The following SNRPN variants were observed in gnomAD, a reference collection of about 807,000 sequenced individuals.
The protein encoded by SNRPN is small nuclear ribonucleoprotein-associated protein N.
Under a neutral mutation model 25.2 loss-of-function variants are expected in SNRPN, and 7 were observed. That is an observed-to-expected ratio of 0.28 (90% CI 0.16 to 0.52). The LOEUF (loss-of-function observed/expected upper bound fraction) is 0.52. SNRPN is among the 20% of genes least tolerant of loss of function. The pLI is 0.96. For synonymous variants in SNRPN, 124 were observed against 110.6 expected (o/e 1.12, Z -0.76); for missense variants, 196 against 322.5 (o/e 0.61, Z 3.00).
At chr15:24,878,785 C>A (rs2056277151) in intron 1 of SNRPN, among the ~76,000 whole-genome samples, 1 of 151,970 alleles carries the variant, frequency 6.6e-6, no homozygotes, top group African/African-American at 2.4e-5. Flanking sequence ...AAATCCTTTT[C>A]AAAAATACTG....
At position 24,895,966 on chromosome 15, in the gene SNRPN, C is replaced by A. The variant is rs540100895; in HGVS notation, c.-505+9377C>A. ...TATGTTTGTATTAAAGGTGTTATTCCCATGTAAGACCTTAAGACATAATAT... is the reference window on the plus strand; with the variant it reads ...TATGTTTGTATTAAAGGTGTTATTCACATGTAAGACCTTAAGACATAATAT... On this transcript the variant is annotated intron_variant, in intron 2 of 11. Coordinates refer to the SNRPN transcript ENST00000400097. Among the ~76,000 whole-genome samples the A allele has an allele frequency of 5.3e-5, 8 of 152,226 alleles. No individual in the cohort carries two copies. In the South Asian group the frequency reaches 8.3e-4, roughly 16 times the overall value.
chr15:24,838,048 T>C (rs1192027596), intron 2 of SNRPN, among the ~76,000 whole-genome samples: 1 of 149,868 alleles, frequency 6.7e-6, no homozygotes, highest in East Asian at 2.0e-4. Context: ...TATTTTTTTT[T>C]TTTTGAGACG....
intron 2 of SNRPN, among the ~76,000 whole-genome samples, chr15:24,834,000 A>T (rs2050782849): frequency 1.3e-5 from 2 of 152,100 alleles, no homozygotes; most frequent in African/African-American, 4.8e-5. Context: ...ATATTGGCTC[A>T]CTGCAACCTC....
At chr15:24,843,788 AAC>A (rs56693061) in intron 2 of SNRPN, among the ~76,000 whole-genome samples, 2,614 of 139,866 alleles carry the variant, frequency 0.019, 66 homozygotes, top group East Asian at 0.087. Flanking sequence ...CTCCATCACA[AAC>A]ACACACACAC....
intron 2 of SNRPN, among the ~76,000 whole-genome samples, chr15:24,843,344 A>G (rs926222284): frequency 1.3e-4 from 20 of 152,256 alleles, no homozygotes; most frequent in African/African-American, 4.8e-4. Context: ...GCTGGATCAT[A>G]TAACAAAAGT....
At chr15:24,922,401 T>A (rs1462131879) in intron 3 of SNRPN, among the ~76,000 whole-genome samples, 1 of 152,190 alleles carries the variant, frequency 6.6e-6, no homozygotes, top group East Asian at 1.9e-4. Flanking sequence ...CTCAAACTTG[T>A]TTTCTTGTGA....
At chr15:24,933,195 G>A (rs1425768645) in intron 3 of SNRPN, among the ~76,000 whole-genome samples, 1 of 152,114 alleles carries the variant, frequency 6.6e-6, no homozygotes, top group Non-Finnish European at 1.5e-5. Flanking sequence ...GGAAGTTGAG[G>A]CTGCAGTTAG....
intron 1 of SNRPN, among the ~76,000 whole-genome samples, chr15:24,878,661 A>G (rs183883572): frequency 2.0e-5 from 3 of 152,248 alleles, no homozygotes; most frequent in Admixed American, 6.5e-5. Context: ...GAAAAATTGT[A>G]TTGTATTTCT....
intron 3 of SNRPN, among the ~76,000 whole-genome samples, chr15:24,931,290 A>G (rs923134879): frequency 6.6e-6 from 1 of 152,158 alleles, no homozygotes; most frequent in Non-Finnish European, 1.5e-5. Flanking sequence ...TTCTACCTTA[A>G]TTATGTTAAA....
At chr15:24,924,419 T>C (rs935313348) in intron 3 of SNRPN, among the ~76,000 whole-genome samples, 1 of 151,628 alleles carries the variant, frequency 6.6e-6, no homozygotes, top group Non-Finnish European at 1.5e-5. Flanking sequence ...CAATCTTCCC[T>C]GGTTAGTGAG....
At chr15:24,877,854 A>C (rs989816865) in intron 1 of SNRPN, among the ~76,000 whole-genome samples, 10 of 152,344 alleles carry the variant, frequency 6.6e-5, no homozygotes, top group Middle Eastern at 3.4e-3. Flanking sequence ...AAAAGAAAAA[A>C]AATGCAATCT....
At chr15:24,910,460 G>A (rs2059141918) in intron 2 of SNRPN, among the ~76,000 whole-genome samples, 2 of 152,038 alleles carry the variant, frequency 1.3e-5, no homozygotes. Context: ...GGGCAACAGA[G>A]TGAGATCCCA....
Position 24,865,981 on chromosome 15 carries a change from C to T in SNRPN, c.-579+9265C>T, listed in dbSNP as rs368907468. Among the ~76,000 whole-genome samples the T allele has an allele frequency of 1.4e-3, 214 of 152,190 alleles. 1 individual carries two copies. The highest frequency in any genetic ancestry group is 4.5e-3 in the African/African-American group (186 of 41,536). ...ATAGAGGAGTGTTGAAGTCACCGACCGTAATAGTGGATTCATCTATTTTTC... is the reference window on the plus strand; with the variant it reads ...ATAGAGGAGTGTTGAAGTCACCGACTGTAATAGTGGATTCATCTATTTTTC... On this transcript the variant is annotated intron_variant, in intron 1 of 11. Transcript: ENST00000400097.
At chr15:24,921,809 A>C (rs748286122) in intron 3 of SNRPN, among the ~76,000 whole-genome samples, 1 of 152,186 alleles carries the variant, frequency 6.6e-6, no homozygotes, top group South Asian at 2.1e-4. Flanking sequence ...AGAGGATGTA[A>C]GTTACCAGTA....
At chr15:24,885,830 A>G (rs1771841243) in intron 1 of SNRPN, among the ~76,000 whole-genome samples, 1 of 152,102 alleles carries the variant, frequency 6.6e-6, no homozygotes, top group African/African-American at 2.4e-5. Context: ...CTATCAGGAT[A>G]TAAAACACAC....
intron 3 of SNRPN, among the ~76,000 whole-genome samples, chr15:24,949,442 G>A (rs1010864580): frequency 1.3e-5 from 2 of 152,032 alleles, no homozygotes; most frequent in African/African-American, 4.8e-5. Context: ...TTGAGTGTAG[G>A]AGTTGGAGAC....
intron 2 of SNRPN, among the ~76,000 whole-genome samples, chr15:24,917,560 C>A (rs2059609404): frequency 1.3e-5 from 2 of 152,186 alleles, no homozygotes; most frequent in African/African-American, 4.8e-5. Context: ...ATTACACCTG[C>A]CTGCAGGTAA....
intron 3 of SNRPN, chr15:24,968,750 T>G (rs1313568934): frequency 2.6e-5 from 4 of 152,202 alleles, no homozygotes; most frequent in East Asian, 3.8e-4. Flanking sequence ...TGTCTTTTTC[T>G]CACTTTTCTG....
chr15:24,949,177 A>G (rs1183245414), intron 3 of SNRPN, among the ~76,000 whole-genome samples: 1 of 151,450 alleles, frequency 6.6e-6, no homozygotes, highest in African/African-American at 2.4e-5. Context: ...ACGTGCCACC[A>G]CACCCGGCTA....
Sources: gnomAD v4.1 joint callset for allele counts (sites outside exome capture counted in the v4.1 genomes callset) on GRCh38, gnomAD v4.1.1 for gene constraint, MANE v1.5 for transcripts, NCBI Gene and HGNC (gene_info 2026-07-23, HGNC 2026-07-21) for gene names.